The following TEAD1 variants were observed in gnomAD, a reference collection of about 807,000 sequenced individuals.
TEAD1 encodes TEA domain transcription factor 1.
TEAD1 carries 9 observed loss-of-function variants against 54.9 expected under a neutral mutation model. That is an observed-to-expected ratio of 0.16 (90% CI 0.10 to 0.29). The LOEUF (loss-of-function observed/expected upper bound fraction) is 0.29, where lower values mean the gene tolerates loss of function less well. TEAD1 is among the 10% of genes least tolerant of loss of function. TEAD1 has a pLI of 1.00. For synonymous variants in TEAD1, 200 were observed against 187.8 expected (o/e 1.07, Z -0.53); for missense variants, 387 against 535.9 (o/e 0.72, Z 2.74).
chr11:12,783,615 A>T (rs1416839438), intron 3 of TEAD1, among the ~76,000 whole-genome samples: 1 of 152,168 alleles, frequency 6.6e-6, no homozygotes, highest in African/African-American at 2.4e-5. Flanking sequence ...TCGAATGGCT[A>T]CTGCGTGGTG....
chr11:12,882,870 T>G, intron 8 of TEAD1, 131 bp from the exon 9 acceptor site: 1 of 1,378,650 alleles, frequency 7.3e-7, no homozygotes, highest in Non-Finnish European at 1.0e-6. Flanking sequence ...TGAGTTATCC[T>G]GGCCAGAGCC....
intron 2 of TEAD1, among the ~76,000 whole-genome samples, chr11:12,754,068 C>G (rs973638344): frequency 2.0e-5 from 3 of 152,150 alleles, no homozygotes; most frequent in African/African-American, 7.2e-5. Flanking sequence ...TCTAGATTCT[C>G]TAATCTGATT....
intron 3 of TEAD1, among the ~76,000 whole-genome samples, chr11:12,769,375 G>A (rs1042956873): frequency 6.6e-6 from 1 of 152,152 alleles, no homozygotes; most frequent in African/African-American, 2.4e-5. Flanking sequence ...AAATGAGGTA[G>A]TGGCAGAACT....
At chr11:12,845,337 G>T (rs1205877577) in intron 3 of TEAD1, among the ~76,000 whole-genome samples, 1 of 152,144 alleles carries the variant, frequency 6.6e-6, no homozygotes, top group East Asian at 1.9e-4. Context: ...GAGACATTTG[G>T]AATGTTGTGG....
intron 5 of TEAD1, among the ~76,000 whole-genome samples, chr11:12,878,117 CCTTTTT>C (rs1418596209): frequency 3.3e-5 from 5 of 152,144 alleles, no homozygotes; most frequent in Non-Finnish European, 5.9e-5. Flanking sequence ...TTCCCCTTTC[CCTTTTT>C]CTTTATTGGC....
At chr11:12,729,333 T>C (rs1403889005) in intron 2 of TEAD1, among the ~76,000 whole-genome samples, 2 of 152,202 alleles carry the variant, frequency 1.3e-5, no homozygotes, top group Admixed American at 6.5e-5. Flanking sequence ...CCTGGACATC[T>C]TGTTAAGCAT....
At chr11:12,936,006 G>T (rs9666214) in intron 12 of TEAD1, among the ~76,000 whole-genome samples, 1,584 of 152,282 alleles carry the variant, frequency 0.01, 19 homozygotes, top group African/African-American at 0.036. Context: ...ACTAAACAGG[G>T]GAAACAGCCT....
intron 10 of TEAD1, among the ~76,000 whole-genome samples, chr11:12,915,011 G>A (rs1948684911): frequency 6.6e-6 from 1 of 152,218 alleles, no homozygotes; most frequent in Admixed American, 6.5e-5. Context: ...AAATGCCAGC[G>A]TCTCGTTGCA....
At chr11:12,677,222 A>G (rs1451460321) in intron 2 of TEAD1, among the ~76,000 whole-genome samples, 2 of 151,942 alleles carry the variant, frequency 1.3e-5, no homozygotes, top group African/African-American at 2.4e-5. Flanking sequence ...AATTAAATTT[A>G]ATTTAAAGGG....
chr11:12,750,782 C>A (rs1944854709), intron 2 of TEAD1, among the ~76,000 whole-genome samples: 1 of 152,208 alleles, frequency 6.6e-6, no homozygotes, highest in Non-Finnish European at 1.5e-5. Context: ...GCCTGTGAGT[C>A]TGGATTAGCC....
intron 2 of TEAD1, among the ~76,000 whole-genome samples, chr11:12,748,208 C>T (rs144865270): frequency 2.1e-3 from 317 of 152,202 alleles, no homozygotes; most frequent in African/African-American, 7.1e-3. Flanking sequence ...GTGATGCACC[C>T]GCCTCTGCCT....
At chr11:12,811,346 C>T (rs903374451) in intron 3 of TEAD1, among the ~76,000 whole-genome samples, 3 of 152,164 alleles carry the variant, frequency 2.0e-5, no homozygotes, top group African/African-American at 4.8e-5. Flanking sequence ...CACTAAGTAA[C>T]CTATTGGGAG....
chr11:12,686,774 C>G (rs985635174), intron 2 of TEAD1, among the ~76,000 whole-genome samples: 1 of 152,202 alleles, frequency 6.6e-6, no homozygotes, highest in African/African-American at 2.4e-5. Flanking sequence ...AATTTTAGTA[C>G]TTTTAGAACT....
chr11:12,781,968 AAAAG>A (rs1185531396), intron 3 of TEAD1, among the ~76,000 whole-genome samples: 19 of 135,624 alleles, frequency 1.4e-4, no homozygotes, highest in Middle Eastern at 3.5e-3. Context: ...AAAAAAAAAA[AAAAG>A]AAAGAAAAAA....
intron 2 of TEAD1, among the ~76,000 whole-genome samples, chr11:12,730,651 A>G (rs1338986097): frequency 6.8e-6 from 1 of 147,702 alleles, no homozygotes; most frequent in Non-Finnish European, 1.5e-5. Flanking sequence ...CCTGTACTCC[A>G]TGACTTTATG....
chr11:12,899,468 C>T (rs1344702868), intron 9 of TEAD1, among the ~76,000 whole-genome samples: 1 of 152,044 alleles, frequency 6.6e-6, no homozygotes, highest in East Asian at 1.9e-4. Context: ...GTGTCTCATA[C>T]ATTTCCATGG....
intron 2 of TEAD1, among the ~76,000 whole-genome samples, chr11:12,742,880 T>A (rs548807381): frequency 6.6e-6 from 1 of 152,354 alleles, no homozygotes; most frequent in South Asian, 2.1e-4. Flanking sequence ...AAGCCATAGC[T>A]CAGCCTCCAG....
chr11:12,730,429 T>C (rs938184736), intron 2 of TEAD1, among the ~76,000 whole-genome samples: 3 of 147,312 alleles, frequency 2.0e-5, no homozygotes, highest in Non-Finnish European at 4.5e-5. Flanking sequence ...TTTTTTTTTT[T>C]TTTTTTTTTT....
intron 3 of TEAD1, among the ~76,000 whole-genome samples, chr11:12,770,605 C>A (rs552073779): frequency 6.6e-6 from 1 of 152,148 alleles, no homozygotes; most frequent in Non-Finnish European, 1.5e-5. Flanking sequence ...AATATAGGTA[C>A]TGTAATTATG....
Sources: allele counts gnomAD v4.1 joint callset (sites outside exome capture counted in the v4.1 genomes callset), GRCh38; gene constraint gnomAD v4.1.1; transcripts MANE v1.5; gene names NCBI Gene and HGNC (gene_info 2026-07-23, HGNC 2026-07-21).